Variants in DLG5 observed in about 807,000 individuals in gnomAD.
DLG5 encodes the protein discs large MAGUK scaffold protein 5.
Under a neutral mutation model 189.8 loss-of-function variants are expected in DLG5, and 48 were observed. That is an observed-to-expected ratio of 0.25 (90% CI 0.20 to 0.32). The LOEUF is 0.32. Among genes scored for constraint, DLG5 ranks in the 10% least tolerant of loss-of-function variants. DLG5 has a pLI of 1.00. For missense variants in DLG5, 2,160 were observed against 2,544.7 expected (o/e 0.85, Z 3.25); for synonymous variants, 1,016 against 1,054.1 (o/e 0.96, Z 0.70).
At chr10:77,825,376 A>C (rs939134251) in intron 13 of DLG5, among the ~76,000 whole-genome samples, 93 of 62,978 alleles carry the variant, frequency 1.5e-3, no homozygotes, top group Middle Eastern at 9.4e-3. Context: ...ACACACAACC[A>C]CACACACACA....
intron 14 of DLG5, among the ~76,000 whole-genome samples, chr10:77,822,549 C>G (rs752099246): frequency 1.3e-5 from 2 of 152,242 alleles, no homozygotes; most frequent in Non-Finnish European, 2.9e-5. Flanking sequence ...GAGGCTGAGG[C>G]AGGAGAATCG....
At chr10:77,873,808 G>A (rs919564248) in intron 1 of DLG5, among the ~76,000 whole-genome samples, 3 of 152,156 alleles carry the variant, frequency 2.0e-5, no homozygotes, top group Admixed American at 6.5e-5. Flanking sequence ...GAGAGCTGAC[G>A]GCTCACGGTC....
At chr10:77,827,087 T>C (rs1842674553) in intron 13 of DLG5, among the ~76,000 whole-genome samples, 1 of 152,160 alleles carries the variant, frequency 6.6e-6, no homozygotes, top group Non-Finnish European at 1.5e-5. Flanking sequence ...TATAATAAAT[T>C]GTTAACAGTG....
chr10:77,806,807 C>T lies in DLG5; in HGVS notation c.4918G>A (p.Asp1640Asn). The T allele has an allele frequency of 6.2e-7, 1 of 1,613,306 alleles. No individual in the cohort carries two copies. Among genetic ancestry groups the T allele is most frequent in the South Asian group, 1.1e-5 (1 of 91,048 alleles). The change falls in exon 26 of 32, where the codon GAC (aspartate) becomes AAC (asparagine). Residue 1640 changes from aspartate (D) to asparagine (N), a missense_variant. Asp to Asn is a conservative substitution (Grantham distance 23). Transcript: ENST00000372391. ...TFGSWMAWQL[D>N]ENAQKIQRGQ... ...CGCTGGATCTTCTGGGCATTCTCGT[C>T]CAGCTGCCAAGCCATCCAGGACCCG...
intron 2 of DLG5, among the ~76,000 whole-genome samples, chr10:77,859,288 A>C (rs1844380128): frequency 6.6e-6 from 1 of 152,262 alleles, no homozygotes; most frequent in Non-Finnish European, 1.5e-5. Context: ...CTATTGAAGA[A>C]GGAAAAATAT....
chr10:77,918,544 C>G (rs1364055952), intron 1 of DLG5, among the ~76,000 whole-genome samples: 88 of 152,088 alleles, frequency 5.8e-4, no homozygotes, highest in Non-Finnish European at 5.9e-5. Context: ...GAATTATCTA[C>G]CAAGGGTTTA....
intron 1 of DLG5, among the ~76,000 whole-genome samples, chr10:77,917,588 G>A (rs1401311659): frequency 6.6e-6 from 1 of 151,898 alleles, no homozygotes; most frequent in East Asian, 1.9e-4. Flanking sequence ...GAAAAAAAGA[G>A]ACAGACAGGA....
At chr10:77,894,517 T>C (rs1845701087) in intron 1 of DLG5, among the ~76,000 whole-genome samples, 1 of 151,592 alleles carries the variant, frequency 6.6e-6, no homozygotes, top group South Asian at 2.1e-4. Context: ...TGAATGTGCA[T>C]GCTTTATTGT....
intron 6 of DLG5, among the ~76,000 whole-genome samples, chr10:77,842,785 A>C (rs890211502): frequency 6.6e-6 from 1 of 152,216 alleles, no homozygotes; most frequent in African/African-American, 2.4e-5. Context: ...TATGTTTGGG[A>C]AACTCTGCAT....
chr10:77,811,300 T>C, intron 22 of DLG5, 66 bp from the exon 23 acceptor site: 3 of 1,560,502 alleles, frequency 1.9e-6, no homozygotes, highest in East Asian at 4.5e-5. Context: ...CCCACTCCTG[T>C]GGCAACTAGA....
At chr10:77,804,465 A>T (rs1439105625) in intron 27 of DLG5, among the ~76,000 whole-genome samples, 1 of 152,162 alleles carries the variant, frequency 6.6e-6, no homozygotes, top group Non-Finnish European at 1.5e-5. Flanking sequence ...CCTAGGCCTA[A>T]GGTCTTCATT....
rs117366353 is a variant in DLG5, at chr10:77,792,073, G to A, written c.*367C>T. On this transcript the variant is annotated 3_prime_UTR_variant, in exon 32 of 32. Coordinates refer to ENST00000372391, the MANE Select transcript of DLG5 (RefSeq NM_004747.4). ...ACAGGGGCTGGGCACCGGCAACATGGAGCCGTTCAAGTAAACATAAACCAC... is the reference window on the plus strand; with the variant it reads ...ACAGGGGCTGGGCACCGGCAACATGAAGCCGTTCAAGTAAACATAAACCAC... 248 of 226,344 alleles carry A rather than the reference G, an allele frequency of 1.1e-3. No individual in the cohort carries two copies. Among genetic ancestry groups the A allele is most frequent in the Non-Finnish European group, 1.7e-3 (201 of 115,038 alleles). The allele number at this position is 226,344 out of a possible 1,614,324, so 14.0% of individuals were successfully genotyped here.
rs1307369894 is a variant in DLG5 at position 77,830,299 on chromosome 10, C to T, written c.1927G>A (p.Val643Met). ...KALGFDMAEG[V>M]NEPCFPGDCG... ...TCCCCCGGGAAACAAGGCTCATTCA[C>T]ACCTTCTGCCATATCAAACCCCAGT... The change falls in exon 11 of 32, where the codon GTG becomes ATG. Residue 643 changes from valine to methionine, a missense_variant. Around this residue, in one of 5 missense-constraint regions of DLG5, gnomAD observed 107 missense variants for 214.5 expected, o/e 0.50. Coordinates refer to ENST00000372391, the MANE Select transcript of DLG5 (RefSeq NM_004747.4). 1 of 1,614,108 alleles carries T rather than the reference C, an allele frequency of 6.2e-7. No individual in the cohort carries two copies. Among genetic ancestry groups the T allele is most frequent in the Non-Finnish European group, 8.5e-7 (1 of 1,180,050 alleles).
chr10:77,931,732 A>C (rs1001658991), upstream of DLG5, among the ~76,000 whole-genome samples: 2 of 151,654 alleles, frequency 1.3e-5, no homozygotes, highest in African/African-American at 4.8e-5. Context: ...TCTAAGGTTG[A>C]CTCTTCAATC....
intron 31 of DLG5, 116 bp from the exon 32 acceptor site, chr10:77,792,659 G>C (rs1840696742): frequency 3.2e-6 from 3 of 926,984 alleles, no homozygotes; most frequent in South Asian, 2.9e-5. Flanking sequence ...GTGCTCCTTG[G>C]CACTCTGCTC....
At chr10:77,869,003 G>T in intron 2 of DLG5, 126 bp downstream of exon 2, 1 of 761,246 alleles carries the variant, frequency 1.3e-6, no homozygotes, top group South Asian at 1.6e-5. Context: ...TGAAATCAAC[G>T]GAAGGATGAT....
chr10:77,822,723 A>G (rs918253398), intron 14 of DLG5, among the ~76,000 whole-genome samples: 2 of 152,234 alleles, frequency 1.3e-5, no homozygotes, highest in Non-Finnish European at 2.9e-5. Flanking sequence ...CATTGTTAAA[A>G]ATATATCTCT....
At chr10:77,916,450 C>T (rs538525073) in intron 1 of DLG5, among the ~76,000 whole-genome samples, 8 of 152,002 alleles carry the variant, frequency 5.3e-5, no homozygotes, top group African/African-American at 1.9e-4. Context: ...AACCACCACG[C>T]CCGGCTAAAT....
chr10:77,918,944 G>A (rs2131860912), intron 1 of DLG5, among the ~76,000 whole-genome samples: 1 of 152,284 alleles, frequency 6.6e-6, no homozygotes, highest in African/African-American at 2.4e-5. Context: ...GGCCGAGAGT[G>A]GTGGCTCATG....
Sources: gnomAD v4.1 joint callset for allele counts (sites outside exome capture counted in the v4.1 genomes callset) on GRCh38, gnomAD v4.1.1 for gene constraint, gnomAD v4.1.1 regional missense constraint, MANE v1.5 for transcripts, NCBI Gene and HGNC (gene_info 2026-07-23, HGNC 2026-07-21) for gene names.